COL19A1: variants seen among roughly 807,000 people sequenced by gnomAD.
COL19A1 encodes the protein collagen alpha-1(XIX) chain.
Under a neutral mutation model 190.2 loss-of-function variants are expected in COL19A1, and 159 were observed. The observed-to-expected ratio is 0.84, with a 90% confidence interval of 0.73 to 0.95. COL19A1 has a LOEUF of 0.95. Among genes scored for constraint, COL19A1 ranks in the 40% least tolerant of loss-of-function variants. The probability of loss-of-function intolerance (pLI) is 0.00; values close to 1 mark genes in which losing one functional copy is unlikely to be tolerated. For synonymous variants in COL19A1, 509 were observed against 458.9 expected, an observed-to-expected ratio of 1.11 and a Z score of -1.39; for missense variants, 1,418 against 1,431.9, an observed-to-expected ratio of 0.99 and a Z score of 0.16.
chr6:70,023,281 G>A (rs1224349066), intron 11 of COL19A1, among the ~76,000 whole-genome samples: 3 of 151,750 alleles, frequency 2.0e-5, no homozygotes, highest in Admixed American at 6.6e-5. Flanking sequence ...CTACAGGCGC[G>A]TGCCACCATG....
At chr6:70,111,729 T>A (rs1205826642) in intron 16 of COL19A1, among the ~76,000 whole-genome samples, 1 of 152,200 alleles carries the variant, frequency 6.6e-6, no homozygotes, top group Non-Finnish European at 1.5e-5. Context: ...CTGAGCACAC[T>A]GTCTATAACC....
At chr6:69,910,068 G>A (rs1014689574) in intron 4 of COL19A1, among the ~76,000 whole-genome samples, 1 of 152,046 alleles carries the variant, frequency 6.6e-6, no homozygotes, top group Admixed American at 6.5e-5. Flanking sequence ...AGGGATATTT[G>A]AAATTTATTG....
chr6:69,872,866 G>A (rs980907468), intron 1 of COL19A1, among the ~76,000 whole-genome samples: 4 of 152,308 alleles, frequency 2.6e-5, no homozygotes, highest in East Asian at 3.9e-4. Flanking sequence ...GAACTCTGGG[G>A]TCTGGCCAGA....
intron 2 of COL19A1, among the ~76,000 whole-genome samples, chr6:69,898,442 TTC>T (rs896232780): frequency 2.0e-5 from 3 of 152,186 alleles, no homozygotes; most frequent in Admixed American, 6.5e-5. Flanking sequence ...ATGATTTTAT[TTC>T]TTTTTTTAAA....
intron 1 of COL19A1, among the ~76,000 whole-genome samples, chr6:69,868,011 G>A (rs1349598886): frequency 6.6e-6 from 1 of 151,526 alleles, no homozygotes; most frequent in Non-Finnish European, 1.5e-5. Context: ...TAAGTCTGAG[G>A]AGGATTAAGA....
At chr6:70,120,434 C>T (rs544907772) in intron 16 of COL19A1, among the ~76,000 whole-genome samples, 10 of 152,270 alleles carry the variant, frequency 6.6e-5, no homozygotes, top group African/African-American at 2.4e-4. Flanking sequence ...TCCTGACTTT[C>T]AAGAATAAGA....
chr6:70,143,349 C>A (rs953682915), intron 23 of COL19A1, among the ~76,000 whole-genome samples: 2 of 152,118 alleles, frequency 1.3e-5, no homozygotes, highest in Non-Finnish European at 2.9e-5. Flanking sequence ...CTCAATACAC[C>A]TTTCTATTCA....
chr6:69,983,023 T>TAAATAC, intron 11 of COL19A1, among the ~76,000 whole-genome samples: 1 of 136,440 alleles, frequency 7.3e-6, no homozygotes, highest in Non-Finnish European at 1.6e-5. Flanking sequence ...TAAATAAATA[T>TAAATAC]AAAATAAAAT....
intron 17 of COL19A1, among the ~76,000 whole-genome samples, chr6:70,122,567 C>G (rs556489975): frequency 6.6e-6 from 1 of 152,248 alleles, no homozygotes; most frequent in Admixed American, 6.5e-5. Flanking sequence ...ATTCATCATT[C>G]AATGACAAAT....
intron 14 of COL19A1, among the ~76,000 whole-genome samples, chr6:70,037,554 G>C (rs1779420650): frequency 6.6e-6 from 1 of 152,078 alleles, no homozygotes; most frequent in Non-Finnish European, 1.5e-5. Flanking sequence ...CTTTAACTAA[G>C]TTACATGCAG....
At chr6:70,182,483 C>A (rs1317641485) in intron 44 of COL19A1, among the ~76,000 whole-genome samples, 1 of 152,036 alleles carries the variant, frequency 6.6e-6, no homozygotes, top group Non-Finnish European at 1.5e-5. Context: ...ATTGGTGAGA[C>A]CAATTAGGGT....
chr6:69,881,229 C>T (rs1256576178), intron 2 of COL19A1, among the ~76,000 whole-genome samples: 1 of 152,192 alleles, frequency 6.6e-6, no homozygotes, highest in Non-Finnish European at 1.5e-5. Context: ...CTTAGAGAAA[C>T]ACTTACCTTT....
rs1562273597 is a variant in COL19A1 at position 70,209,020 on chromosome 6, G to A, written c.*1746G>A. 1 of 152,212 alleles carries A rather than the reference G, an allele frequency of 6.6e-6. No homozygotes were observed. Among genetic ancestry groups the A allele is most frequent in the Non-Finnish European group, 1.5e-5 (1 of 67,972 alleles). The allele number at this position is 152,212 out of a possible 1,614,324, so 9.4% of individuals were successfully genotyped here. Reference sequence around the variant, plus strand: ...TCCAAGGTTATTTTATTTATTGTAAGCATTTTGACATTGATTTTTTTTTTT... The same window carrying A: ...TCCAAGGTTATTTTATTTATTGTAAACATTTTGACATTGATTTTTTTTTTT... On this transcript the variant is annotated 3_prime_UTR_variant, in exon 51 of 51. Coordinates refer to ENST00000620364, the MANE Select transcript of COL19A1 (RefSeq NM_001858.6).
chr6:69,999,301 G>T (rs1169876424), intron 11 of COL19A1, among the ~76,000 whole-genome samples: 2 of 151,894 alleles, frequency 1.3e-5, no homozygotes, highest in Non-Finnish European at 2.9e-5. Context: ...GGAGGCCAAG[G>T]CAGGAGGCCA....
chr6:70,086,111 T>G (rs904739936), intron 15 of COL19A1, among the ~76,000 whole-genome samples: 4 of 152,134 alleles, frequency 2.6e-5, no homozygotes, highest in African/African-American at 9.7e-5. Context: ...CCTCAAAAAC[T>G]AATTGAGGCT....
At chr6:69,878,706 A>C (rs547699856) in intron 1 of COL19A1, among the ~76,000 whole-genome samples, 44 of 152,320 alleles carry the variant, frequency 2.9e-4, no homozygotes, top group Non-Finnish European at 4.4e-4. Context: ...CTGATTCTAT[A>C]TACCCAAAAG....
intron 14 of COL19A1, among the ~76,000 whole-genome samples, chr6:70,057,872 A>G (rs955753123): frequency 6.6e-6 from 1 of 152,114 alleles, no homozygotes; most frequent in African/African-American, 2.4e-5. Context: ...AAATGCAAAG[A>G]ATCAGAATCT....
In COL19A1 at chr6:70,079,601, G is replaced by GCGAA. The variant is rs1782113393; in HGVS notation, c.1224+11127_1224+11130dup. Among the ~76,000 whole-genome samples, 10 of 152,288 alleles carry GCGAA rather than the reference G, an allele frequency of 6.6e-5. No homozygotes were observed. In the South Asian group the frequency reaches 2.1e-3, roughly 32 times the overall value. ...AGAAAGTTTTGAAAGGGAGGAGACT[G>GCGAA]CGAACTGATAGGAAATTCTTCAGAG... On this transcript the variant is annotated intron_variant, in intron 15 of 50. Coordinates refer to ENST00000620364, the MANE Select transcript of COL19A1 (RefSeq NM_001858.6).
At chr6:70,168,259 C>A (rs955207709) in intron 39 of COL19A1, 44 bp downstream of exon 39, 1 of 1,588,660 alleles carries the variant, frequency 6.3e-7, no homozygotes, top group African/African-American at 1.4e-5. Flanking sequence ...AGCTGAACAA[C>A]CACAATGAAA....
Sources: gnomAD v4.1 joint callset for allele counts (sites outside exome capture counted in the v4.1 genomes callset) on GRCh38, gnomAD v4.1.1 for gene constraint, MANE v1.5 for transcripts, NCBI Gene and HGNC (gene_info 2026-07-23, HGNC 2026-07-21) for gene names.